Variants in LARGE1 observed in about 807,000 individuals in gnomAD.
LARGE1 encodes xylosyl- and glucuronyltransferase LARGE1.
Under a neutral mutation model 87.6 loss-of-function variants are expected in LARGE1, and 43 were observed. The observed-to-expected ratio is 0.49, with a 90% CI of 0.38 to 0.63. The LOEUF is 0.63. Among genes scored for constraint, LARGE1 ranks in the 30% least tolerant of loss-of-function variants. The probability of loss-of-function intolerance (pLI) is 0.00; values close to 1 mark genes in which losing one functional copy is unlikely to be tolerated. For synonymous variants in LARGE1, 434 were observed against 394.6 expected (o/e 1.10, Z -1.18); for missense variants, 802 against 1,000.2 (o/e 0.80, Z 2.67).
intron 11 of LARGE1, among the ~76,000 whole-genome samples, chr22:33,308,335 C>T (rs1935176623): frequency 6.6e-6 from 1 of 152,192 alleles, no homozygotes; most frequent in Admixed American, 6.5e-5. Context: ...ATGAGGCAGG[C>T]TGTGTAGCAT....
the LARGE1 span, among the ~76,000 whole-genome samples, chr22:33,122,359 C>CTTTTTTTTTTTTTTTT: frequency 7.6e-6 from 1 of 132,340 alleles, no homozygotes; most frequent in African/African-American, 2.9e-5. Flanking sequence ...TTTTCTTTTT[C>CTTTTTTTTTTTTTTTT]TTTTTTTTTT....
At chr22:33,265,824 G>C (rs1480895083) in intron 11 of LARGE1, among the ~76,000 whole-genome samples, 1 of 152,190 alleles carries the variant, frequency 6.6e-6, no homozygotes, top group Non-Finnish European at 1.5e-5. Flanking sequence ...ATTCTTAAAG[G>C]TGTAAGGAGA....
intron 11 of LARGE1, among the ~76,000 whole-genome samples, chr22:33,314,943 C>T (rs1373237588): frequency 1.3e-5 from 2 of 152,170 alleles, no homozygotes; most frequent in East Asian, 3.9e-4. Flanking sequence ...GGTGCAGGGG[C>T]TCACACTTGT....
intron 2 of LARGE1, among the ~76,000 whole-genome samples, chr22:33,719,497 A>ATATTTATTTATTTATT (rs56236034): frequency 2.3e-4 from 34 of 145,102 alleles, no homozygotes; most frequent in African/African-American, 6.4e-4. Context: ...CATCTATACC[A>ATATTTATTTATTTATT]TATTTATTTA....
intron 2 of LARGE1, among the ~76,000 whole-genome samples, chr22:33,661,333 A>C (rs2081116832): frequency 6.6e-6 from 1 of 151,118 alleles, no homozygotes; most frequent in Non-Finnish European, 1.5e-5. Context: ...CCCTTGCCTC[A>C]GCCTCCCAAG....
At chr22:33,712,301 C>T (rs576197423) in intron 2 of LARGE1, among the ~76,000 whole-genome samples, 1 of 152,258 alleles carries the variant, frequency 6.6e-6, no homozygotes, top group African/African-American at 2.4e-5. Flanking sequence ...TGGCCTTGAG[C>T]TAGTAAAGAT....
chr22:33,831,451 CG>C (rs1409037975), intron 1 of LARGE1, among the ~76,000 whole-genome samples: 1 of 152,054 alleles, frequency 6.6e-6, no homozygotes, highest in African/African-American at 2.4e-5. Context: ...GGTGAGAGGG[CG>C]GGGAGCCCTG....
At chr22:33,595,398 T>TG (rs1366852822) in intron 5 of LARGE1, among the ~76,000 whole-genome samples, 3 of 152,086 alleles carry the variant, frequency 2.0e-5, no homozygotes, top group Non-Finnish European at 2.9e-5. Flanking sequence ...TAGCTCAAGG[T>TG]GGGGCATGTC....
At chr22:33,683,960 T>C (rs974074526) in intron 2 of LARGE1, among the ~76,000 whole-genome samples, 10 of 152,032 alleles carry the variant, frequency 6.6e-5, no homozygotes, top group African/African-American at 1.9e-4. Flanking sequence ...GCATCACCAG[T>C]GGTTGTAGTA....
chr22:33,901,617 G>A (rs1011951005), intron 1 of LARGE1, among the ~76,000 whole-genome samples: 17 of 152,182 alleles, frequency 1.1e-4, no homozygotes, highest in African/African-American at 3.9e-4. Context: ...GCTGCAGTGA[G>A]CTAGGATCAC....
intron 4 of LARGE1, among the ~76,000 whole-genome samples, chr22:33,614,279 T>C (rs62225366): frequency 0.065 from 9,859 of 152,244 alleles, 394 homozygotes; most frequent in Middle Eastern, 0.12. Flanking sequence ...GAGGACTTAG[T>C]AAATGTTAGC....
chr22:33,804,198 C>T (rs2146103806), intron 1 of LARGE1, among the ~76,000 whole-genome samples: 1 of 152,270 alleles, frequency 6.6e-6, no homozygotes. Flanking sequence ...CTAATGCTGC[C>T]TTTGTTGACA....
the LARGE1 span, among the ~76,000 whole-genome samples, chr22:33,150,910 A>T: frequency 1.3e-5 from 2 of 152,020 alleles, no homozygotes; most frequent in African/African-American, 4.8e-5. Flanking sequence ...TTTTTAGTCA[A>T]AATTGTTTTC....
Position 33,298,305 on chromosome 22 carries a change from C to T in LARGE1, c.1730+5924G>A, listed in dbSNP as rs563016530. Among the ~76,000 whole-genome samples, 19 of 152,326 alleles carry T rather than the reference C, an allele frequency of 1.2e-4. 2 individuals are homozygous for T. The highest frequency in any genetic ancestry group is 3.4e-3 in the Middle Eastern group (1 of 294). ...GCCAGAACTTTGTCTCCCCTGTTCA[C>T]TGTTCTAGCCCCAGCACCTGAAACA... On this transcript the variant is annotated intron_variant, in intron 12 of 14. Transcript: ENST00000397394.
intron 11 of LARGE1, among the ~76,000 whole-genome samples, chr22:33,261,805 A>T (rs1335545809): frequency 6.6e-6 from 1 of 152,190 alleles, no homozygotes; most frequent in African/African-American, 2.4e-5. Context: ...CTCTGAAATG[A>T]CTGCTTCTCT....
At position 33,186,703 on chromosome 22, in the gene LARGE1, G is replaced by GT. The variant is rs1923495057; in HGVS notation, c.1731-19872dup. Among the ~76,000 whole-genome samples, 5 of 152,082 alleles carry GT rather than the reference G, an allele frequency of 3.3e-5. No individual in the cohort carries two copies. The South Asian group carries it at 1.0e-3, about 32-fold the overall frequency. Reference sequence around the variant, plus strand: ...CATAAGTATCAAAGAGAATGTGATTGTTTACATTGAAAATTCTAAGAAATC... The same window carrying GT: ...CATAAGTATCAAAGAGAATGTGATTGTTTTACATTGAAAATTCTAAGAAATC... On this transcript the variant is annotated intron_variant, in intron 11 of 11. Transcript: ENST00000608642.
intron 2 of LARGE1, among the ~76,000 whole-genome samples, chr22:33,672,256 G>A (rs1377863369): frequency 1.3e-5 from 2 of 152,150 alleles, no homozygotes; most frequent in African/African-American, 4.8e-5. Flanking sequence ...GAGGACCAGA[G>A]ACTTTGGCCA....
chr22:33,787,445 A>G (rs1433665560), intron 1 of LARGE1, among the ~76,000 whole-genome samples: 1 of 152,216 alleles, frequency 6.6e-6, no homozygotes, highest in Non-Finnish European at 1.5e-5. Flanking sequence ...TCAGATTTCT[A>G]CATTTGACAC....
chr22:33,254,948 T>C (rs1479408534), intron 11 of LARGE1, among the ~76,000 whole-genome samples: 1 of 150,724 alleles, frequency 6.6e-6, no homozygotes, highest in Non-Finnish European at 1.5e-5. Flanking sequence ...TTTTTTTTTT[T>C]TTTTTTTGAG....
Sources: allele counts gnomAD v4.1 joint callset (sites outside exome capture counted in the v4.1 genomes callset), GRCh38; gene constraint gnomAD v4.1.1; transcripts MANE v1.5; gene names NCBI Gene and HGNC (gene_info 2026-07-23, HGNC 2026-07-21).